Variants in PTPRD observed in about 807,000 individuals in gnomAD.
PTPRD encodes the protein protein tyrosine phosphatase receptor type D, also known as receptor-type tyrosine-protein phosphatase delta.
A neutral mutation model predicts 214.5 loss-of-function variants in PTPRD; 34 were observed. That is an observed-to-expected ratio of 0.16 (90% CI 0.12 to 0.21). PTPRD has a LOEUF of 0.21. Among genes scored for constraint, PTPRD ranks in the 10% least tolerant of loss-of-function variants. PTPRD has a pLI of 1.00. For synonymous variants in PTPRD, 1,128 were observed against 845.7 expected, an observed-to-expected ratio of 1.33 and a Z score of -5.79; for missense variants, 2,545 against 2,398.7, an observed-to-expected ratio of 1.06 and a Z score of -1.27.
At chr9:9,226,918 A>G (rs1485592353) in intron 9 of PTPRD, among the ~76,000 whole-genome samples, 4 of 152,150 alleles carry the variant, frequency 2.6e-5, no homozygotes, top group Non-Finnish European at 5.9e-5. Flanking sequence ...TAATAAATAT[A>G]TCTAAATTTT....
At chr9:10,013,602 C>G (rs1315457247) in intron 4 of PTPRD, among the ~76,000 whole-genome samples, 1 of 151,246 alleles carries the variant, frequency 6.6e-6, no homozygotes, top group East Asian at 1.9e-4. Context: ...AAAATTTCAA[C>G]ACAGATAAGT....
intron 3 of PTPRD, among the ~76,000 whole-genome samples, chr9:10,088,822 A>G (rs560560386): frequency 1.3e-4 from 20 of 151,860 alleles, no homozygotes; most frequent in African/African-American, 4.1e-4. Context: ...AAGTTTAGCT[A>G]TGAATGGATA....
intron 9 of PTPRD, among the ~76,000 whole-genome samples, chr9:9,347,527 A>G (rs1321436703): frequency 3.3e-5 from 5 of 151,980 alleles, no homozygotes; most frequent in African/African-American, 7.2e-5. Context: ...GGTGATGCAG[A>G]GTGGGTGTTT....
chr9:8,528,822 G>T, intron 14 of PTPRD, 43 bp from the exon 15 acceptor site: 1 of 1,586,316 alleles, frequency 6.3e-7, no homozygotes, highest in Non-Finnish European at 8.6e-7. Flanking sequence ...TAATAAGTCA[G>T]ATGCTCCAAA....
At chr9:10,224,422 A>G (rs567831974) in intron 3 of PTPRD, among the ~76,000 whole-genome samples, 32 of 152,012 alleles carry the variant, frequency 2.1e-4, no homozygotes, top group Non-Finnish European at 4.3e-4. Context: ...GGTTAGTTAC[A>G]TATGCATACA....
chr9:9,548,446 C>T (rs2079366033), intron 8 of PTPRD, among the ~76,000 whole-genome samples: 2 of 130,334 alleles, frequency 1.5e-5, no homozygotes, highest in South Asian at 4.7e-4. Context: ...CTCGCTTTGT[C>T]ATCCAGGCTG....
At chr9:8,878,674 C>T (rs2098416426) in intron 11 of PTPRD, among the ~76,000 whole-genome samples, 1 of 152,092 alleles carries the variant, frequency 6.6e-6, no homozygotes, top group South Asian at 2.1e-4. Context: ...ATTACAGGCA[C>T]ATGCTACCAT....
At chr9:8,813,207 A>T (rs2096849654) in intron 11 of PTPRD, among the ~76,000 whole-genome samples, 1 of 152,104 alleles carries the variant, frequency 6.6e-6, no homozygotes, top group South Asian at 2.1e-4. Flanking sequence ...TAGAATAATT[A>T]TCACTGTTAT....
At chr9:9,489,273 A>G (rs2095798574) in intron 8 of PTPRD, among the ~76,000 whole-genome samples, 1 of 152,200 alleles carries the variant, frequency 6.6e-6, no homozygotes, top group South Asian at 2.1e-4. Flanking sequence ...AAACACGAAC[A>G]TTCCAAAAAA....
intron 3 of PTPRD, among the ~76,000 whole-genome samples, chr9:10,077,486 G>A (rs557212424): frequency 2.0e-5 from 3 of 152,210 alleles, no homozygotes; most frequent in African/African-American, 4.8e-5. Context: ...TGTGTTTGGA[G>A]TATTTATTAC....
In PTPRD at chr9:10,038,879, C is replaced by G. The variant is rs1161210750; in HGVS notation, c.-544-5089G>C. On this transcript the variant is annotated intron_variant, in intron 3 of 45. Coordinates refer to ENST00000381196, the MANE Select transcript of PTPRD (RefSeq NM_002839.4). Reference sequence around the variant, plus strand: ...GACCTTGGTTTATATCCTCATTTCTCTCCCAGATTGTTTTAACAATTATTG... The same window carrying G: ...GACCTTGGTTTATATCCTCATTTCTGTCCCAGATTGTTTTAACAATTATTG... Among the ~76,000 whole-genome samples the G allele has an allele frequency of 3.3e-5, 5 of 152,160 alleles. No homozygotes were observed. In the East Asian group the frequency reaches 9.7e-4, roughly 29 times the overall value.
chr9:10,065,206 C>T (rs1848753), intron 3 of PTPRD, among the ~76,000 whole-genome samples: 29,221 of 79,258 alleles, frequency 0.37, 3,435 homozygotes, highest in South Asian at 0.47. Context: ...GGATGCTTTG[C>T]AGAGGTCCAG....
chr9:9,352,343 GTGTGTGTGTGTATATA>G (rs946997117), intron 9 of PTPRD, among the ~76,000 whole-genome samples: 8 of 145,024 alleles, frequency 5.5e-5, no homozygotes, highest in Admixed American at 1.4e-4. Context: ...GTGTGTGTGT[GTGTGTGTGTGTATATA>G]TGTGTGTGTG....
intron 8 of PTPRD, among the ~76,000 whole-genome samples, chr9:9,555,945 T>C (rs1480268305): frequency 1.3e-5 from 2 of 152,138 alleles, no homozygotes; most frequent in Admixed American, 6.6e-5. Flanking sequence ...TCCTTTTAAA[T>C]TTATTTTTTG....
chr9:9,833,289 A>G (rs1413689712), intron 5 of PTPRD, among the ~76,000 whole-genome samples: 1 of 152,030 alleles, frequency 6.6e-6, no homozygotes, highest in Non-Finnish European at 1.5e-5. Flanking sequence ...TCCGGGGGAA[A>G]CATCATACAT....
At chr9:10,340,630 TA>T (rs2096921307) in intron 3 of PTPRD, among the ~76,000 whole-genome samples, 2 of 151,916 alleles carry the variant, frequency 1.3e-5, no homozygotes, top group African/African-American at 4.8e-5. Flanking sequence ...ACAACAGAAA[TA>T]AAACCATTTT....
chr9:8,341,466 G>A (rs1185976937), intron 40 of PTPRD, among the ~76,000 whole-genome samples, 198 bp from the exon 41 acceptor site: 2 of 151,990 alleles, frequency 1.3e-5, no homozygotes, highest in Admixed American at 6.6e-5. Flanking sequence ...TATATTTTCT[G>A]AAAGTATAGT....
intron 27 of PTPRD, among the ~76,000 whole-genome samples, chr9:8,491,600 C>T (rs1352363678): frequency 6.6e-6 from 1 of 151,392 alleles, no homozygotes; most frequent in African/African-American, 2.4e-5. Flanking sequence ...CCATCATGCC[C>T]CTCACTGAAT....
chr9:10,561,332 C>A (rs1361012137), intron 2 of PTPRD, among the ~76,000 whole-genome samples: 1 of 152,078 alleles, frequency 6.6e-6, no homozygotes, highest in African/African-American at 2.4e-5. Context: ...GATATGGTAG[C>A]AAATGTAAAG....
Sources: allele counts gnomAD v4.1 joint callset (sites outside exome capture counted in the v4.1 genomes callset), GRCh38; gene constraint gnomAD v4.1.1; transcripts MANE v1.5; gene names NCBI Gene and HGNC (gene_info 2026-07-23, HGNC 2026-07-21).